Variants in HDAC4 observed in about 807,000 individuals in gnomAD.
HDAC4 encodes histone deacetylase 4, also known as histone deacetylase A.
Under a neutral mutation model 135.1 loss-of-function variants are expected in HDAC4, and 16 were observed. That is an observed-to-expected ratio of 0.12 (90% CI 0.08 to 0.18). The LOEUF (loss-of-function observed/expected upper bound fraction) is 0.18, where lower values mean the gene tolerates loss of function less well. Ranked by LOEUF, HDAC4 falls within the 10% of genes least tolerant of loss-of-function variation. HDAC4 has a pLI of 1.00. For missense variants in HDAC4, 1,143 were observed against 1,511.8 expected, an observed-to-expected ratio of 0.76 and a Z score of 4.05; for synonymous variants, 685 against 653.4, an observed-to-expected ratio of 1.05 and a Z score of -0.74.
intron 18 of HDAC4, among the ~76,000 whole-genome samples, chr2:239,087,975 G>C (rs1215729055): frequency 1.3e-5 from 2 of 152,190 alleles, no homozygotes; most frequent in African/African-American, 4.8e-5. Flanking sequence ...CTCGGGACCA[G>C]GACCCGCTAG....
Position 239,349,389 on chromosome 2 carries a change from T to C in HDAC4, c.22+3289A>G, listed in dbSNP as rs1049744192. On this transcript the variant is annotated intron_variant, in intron 2 of 26. Transcript: ENST00000543185. The surrounding 1 kb of genome is among the most constrained non-coding windows in gnomAD (Gnocchi z 5.7). ...CCGCTCAAGAGAGCAAACTGAATCC[T>C]TTAGTATTAATGATTTCTCTTCCTC... Among the ~76,000 whole-genome samples the C allele has an allele frequency of 1.3e-5, 2 of 152,226 alleles. No homozygotes were observed. The highest frequency in any genetic ancestry group is 2.9e-5 in the Non-Finnish European group (2 of 68,038).
chr2:239,152,193 C>T (rs865901217), intron 7 of HDAC4, among the ~76,000 whole-genome samples: 25 of 152,224 alleles, frequency 1.6e-4, no homozygotes, highest in African/African-American at 5.1e-4. Flanking sequence ...CATTCCTCAG[C>T]GTGAACATGG....
chr2:239,077,158 C>T (rs900433624), intron 22 of HDAC4, among the ~76,000 whole-genome samples: 2 of 152,230 alleles, frequency 1.3e-5, no homozygotes, highest in Non-Finnish European at 1.5e-5. Context: ...CAGAGCTGGC[C>T]GTGATGCTTC....
At position 239,175,467 on chromosome 2, in the gene HDAC4, G is replaced by A. The variant is rs147905835; in HGVS notation, c.490+946C>T. On this transcript the variant is annotated intron_variant, in intron 5 of 26. Transcript: ENST00000543185. Reference sequence around the variant, plus strand: ...CTGTTACCTTTTCCTCAGTAGATGCGTCCCTCTAACTGTCCAAAGTGGGAA... The same window carrying A: ...CTGTTACCTTTTCCTCAGTAGATGCATCCCTCTAACTGTCCAAAGTGGGAA... 7.3e-3 allele frequency among the ~76,000 whole-genome samples: 1,116 copies of A among 152,334 alleles called. 9 individuals carry two copies. Among genetic ancestry groups the A allele is most frequent in the Middle Eastern group, 0.051 (15 of 294 alleles).
chr2:239,198,654 T>C (rs1417708860), intron 3 of HDAC4, among the ~76,000 whole-genome samples: 4 of 152,168 alleles, frequency 2.6e-5, no homozygotes, highest in African/African-American at 4.8e-5. Flanking sequence ...CTGAGATCTG[T>C]TTTTTGGGTC....
intron 2 of HDAC4, among the ~76,000 whole-genome samples, chr2:239,290,895 C>G (rs1412105137): frequency 6.6e-6 from 1 of 152,188 alleles, no homozygotes; most frequent in Non-Finnish European, 1.5e-5. Flanking sequence ...TGGCTTCGCT[C>G]ATTCACTCAG....
At chr2:239,094,099 G>A (rs2036767065) in intron 17 of HDAC4, 4 of 985,388 alleles carry the variant, frequency 4.1e-6, no homozygotes, top group Non-Finnish European at 4.8e-6. Flanking sequence ...GCACCGTTTC[G>A]GCTGCAGCGG....
At chr2:239,134,179 G>T in intron 11 of HDAC4, 66 bp downstream of exon 11, 1 of 1,331,958 alleles carries the variant, frequency 7.5e-7, no homozygotes, top group Non-Finnish European at 1.1e-6. Context: ...GCAGGCGAAG[G>T]CGGGGCACCA....
intron 2 of HDAC4, among the ~76,000 whole-genome samples, chr2:239,261,868 G>A (rs1200074249): frequency 6.6e-6 from 1 of 152,194 alleles, no homozygotes; most frequent in East Asian, 1.9e-4. Context: ...GGCCCAGCCA[G>A]GAGGTTCTGC....
In HDAC4 at chr2:239,048,897, C is replaced by T. The variant is rs1259536202; in HGVS notation, c.*4200G>A. The T allele has an allele frequency of 2.6e-5, 4 of 152,206 alleles. No individual in the cohort carries two copies. The highest frequency in any genetic ancestry group is 5.9e-5 in the Non-Finnish European group (4 of 68,028). 9.4% of individuals were successfully genotyped at this position (152,206 alleles called of 1,614,324 possible). A position where few individuals can be genotyped will look rare whatever the true frequency, so the allele number is the denominator to read the frequency against. ...TAATTAAAAAGTCAACACAGCTGTG[C>T]GGAAAAGGGGACTCTTTCGAGTCCG... On this transcript the variant is annotated 3_prime_UTR_variant, in exon 27 of 27. Coordinates refer to ENST00000543185, the MANE Select transcript of HDAC4 (RefSeq NM_001378414.1).
chr2:239,111,797 G>T, intron 13 of HDAC4, 85 bp from the exon 14 acceptor site: 1 of 1,300,212 alleles, frequency 7.7e-7, no homozygotes, highest in Non-Finnish European at 1.1e-6. Flanking sequence ...TCTCTTGCAA[G>T]TCTCCCGTCC....
chr2:239,287,433 C>A (rs558203283), intron 2 of HDAC4, among the ~76,000 whole-genome samples: 29 of 152,204 alleles, frequency 1.9e-4, no homozygotes, highest in Non-Finnish European at 3.7e-4. Flanking sequence ...CCAAGTGGCA[C>A]CTCCTTACAT....
rs1692956274 is a variant in HDAC4 at position 239,349,327 on chromosome 2, G to A, written c.22+3351C>T. Among the ~76,000 whole-genome samples the A allele has an allele frequency of 7.2e-5, 11 of 152,332 alleles. No homozygotes were observed. The South Asian group carries it at 2.3e-3, about 32-fold the overall frequency. On this transcript the variant is annotated intron_variant, in intron 2 of 26. Coordinates refer to ENST00000543185, the MANE Select transcript of HDAC4 (RefSeq NM_001378414.1). This position sits in a 1 kb window ranked among gnomAD's most constrained non-coding sequence, Gnocchi z 5.7. ...CCTCGGCTCAAGGAAAAGGGACAGC[G>A]GTTCCGTGGCTGTGCTCTGACACAC...
intron 1 of HDAC4, among the ~76,000 whole-genome samples, chr2:239,385,701 C>T (rs149283168): frequency 1.3e-5 from 2 of 152,370 alleles, no homozygotes; most frequent in African/African-American, 4.8e-5. Context: ...CCATGTGATA[C>T]AACAGGACAC....
chr2:239,362,280 C>A (rs1247362111), intron 1 of HDAC4, among the ~76,000 whole-genome samples: 1 of 152,228 alleles, frequency 6.6e-6, no homozygotes, highest in Non-Finnish European at 1.5e-5. Context: ...AAAGCAAATG[C>A]ATCACTAACG....
At chr2:239,132,619 A>G (rs1157659057) in intron 11 of HDAC4, among the ~76,000 whole-genome samples, 1 of 152,218 alleles carries the variant, frequency 6.6e-6, no homozygotes, top group African/African-American at 2.4e-5. Flanking sequence ...GAGCGCACAC[A>G]GGGAAGAAGC....
intron 3 of HDAC4, among the ~76,000 whole-genome samples, chr2:239,213,524 G>A (rs768569910): frequency 5.3e-5 from 8 of 152,186 alleles, no homozygotes; most frequent in Non-Finnish European, 1.0e-4. Flanking sequence ...CTCGGGTTCT[G>A]GAGGCCCATC....
In HDAC4 at chr2:239,313,297, G is replaced by A. The variant is rs772352378; in HGVS notation, c.22+39381C>T. 2.6e-5 allele frequency among the ~76,000 whole-genome samples: 4 copies of A among 152,212 alleles called. No homozygotes were observed. The highest frequency in any genetic ancestry group is 4.4e-5 in the Non-Finnish European group (3 of 68,036). On this transcript the variant is annotated intron_variant, in intron 2 of 26. Coordinates refer to ENST00000543185, the MANE Select transcript of HDAC4 (RefSeq NM_001378414.1). This position sits in a 1 kb window ranked among gnomAD's most constrained non-coding sequence, Gnocchi z 5.1. ...AAAGTACTTAACAAAATGCGCTGAT[G>A]TAAATGTCCCTGCAGCAGCCAGGGA... is the stretch of plus-strand genomic sequence containing the variant.
At chr2:239,176,945 T>C (rs2043814256) in intron 4 of HDAC4, among the ~76,000 whole-genome samples, 1 of 152,136 alleles carries the variant, frequency 6.6e-6, no homozygotes, top group African/African-American at 2.4e-5. Context: ...TAAAGTTAAA[T>C]GCACATCTGC....
Sources: gnomAD v4.1 joint callset for allele counts (sites outside exome capture counted in the v4.1 genomes callset) on GRCh38, gnomAD v4.1.1 for gene constraint, Gnocchi (gnomAD v3.1) non-coding constraint, MANE v1.5 for transcripts, NCBI Gene and HGNC (gene_info 2026-07-23, HGNC 2026-07-21) for gene names.